The following MRNIP variants were observed in gnomAD, a reference collection of about 807,000 sequenced individuals.
The protein encoded by MRNIP is MRN complex-interacting protein.
MRNIP carries 30 observed loss-of-function variants against 29.8 expected under a neutral mutation model. The ratio of observed to expected loss-of-function variants is 1.01; its 90% CI spans 0.75 to 1.36. The LOEUF (loss-of-function observed/expected upper bound fraction) is 1.36, where lower values mean the gene tolerates loss of function less well. MRNIP is among the 40% of genes most tolerant of loss of function. The pLI is 0.00. For synonymous variants in MRNIP, 201 were observed against 164.1 expected (o/e 1.23, Z -1.72); for missense variants, 459 against 423.5 (o/e 1.08, Z -0.74).
At position 179,848,011 on chromosome 5, in the gene MRNIP, AGATTT is replaced by A; in HGVS notation, c.177_181del (p.Leu59PhefsTer22). On this transcript the variant is annotated frameshift_variant, in exon 3 of 7. Transcript: ENST00000292586. LOFTEE classifies it high-confidence loss of function. ...CAGCTCTGAAACTTGTCCCTGTAGT[AGATTT>A]AACTTTTGGACATGGCGTCTACAAT... The A allele has an allele frequency of 6.2e-7, 1 of 1,613,824 alleles. No individual in the cohort carries two copies. Among genetic ancestry groups the A allele is most frequent in the African/African-American group, 1.3e-5 (1 of 75,024 alleles).
chr5:179,857,472 CAAAAAAAGGAAATAA>C (rs1759642352), intron 1 of MRNIP, among the ~76,000 whole-genome samples: 1 of 150,602 alleles, frequency 6.6e-6, no homozygotes, highest in Non-Finnish European at 1.5e-5. Context: ...GTCTCAAAAA[CAAAAAAAGGAAATAA>C]AAATAAACGG....
intron 2 of MRNIP, among the ~76,000 whole-genome samples, chr5:179,852,778 G>A (rs1759422946): frequency 6.6e-6 from 1 of 152,194 alleles, no homozygotes; most frequent in South Asian, 2.1e-4. Context: ...TAAGGCAAAG[G>A]ATGCAGGACA....
chr5:179,855,699 CCATTAA>C (rs1354610492), intron 1 of MRNIP, among the ~76,000 whole-genome samples: 1 of 152,044 alleles, frequency 6.6e-6, no homozygotes, highest in African/African-American at 2.4e-5. Context: ...CTAGGTTGAT[CCATTAA>C]CATTAATACG....
chr5:179,842,802 G>A (rs1207810444), intron 4 of MRNIP, among the ~76,000 whole-genome samples: 4 of 151,522 alleles, frequency 2.6e-5, no homozygotes, highest in Non-Finnish European at 4.4e-5. Context: ...GGAGGCTGAG[G>A]CGGGCGGGTC....
Position 179,844,156 on chromosome 5 carries a change from T to G in MRNIP, c.287A>C (p.Gln96Pro), listed in dbSNP as rs754072707. 1.4e-5 allele frequency: 22 copies of G among 1,614,136 alleles called. No individual in the cohort carries two copies. The South Asian group carries it at 2.3e-4, about 17-fold the overall frequency. ...VGHQQAGNVKQQEKSQPSESR... is the reference protein window; with the variant it reads ...VGHQQAGNVKPQEKSQPSESR... ...GCAGGTGGGCCTGAGGCTTACCTGC[T>G]GCTTCACATTCCCAGCCTGCTGGTG... Residue 96 changes from glutamine (Q) to proline (P), a missense_variant, in exon 4 of 7, where the codon CAG (glutamine) becomes CCG (proline). Physicochemically the swap from Gln to Pro is moderately conservative, Grantham distance 76. Coordinates refer to ENST00000292586, the MANE Select transcript of MRNIP (RefSeq NM_016175.4).
chr5:179,850,325 C>T (rs748010759), intron 2 of MRNIP, among the ~76,000 whole-genome samples: 33 of 152,162 alleles, frequency 2.2e-4, no homozygotes, highest in Non-Finnish European at 4.1e-4. Flanking sequence ...GCTCTGCTGT[C>T]GCCATCTTGA....
chr5:179,849,079 T>A (rs1425619802), intron 2 of MRNIP, among the ~76,000 whole-genome samples: 1 of 150,074 alleles, frequency 6.7e-6, no homozygotes, highest in Non-Finnish European at 1.5e-5. Flanking sequence ...GGTCCTGCTA[T>A]GGCACAGGCA....
At chr5:179,848,456 A>C (rs1759219602) in intron 2 of MRNIP, among the ~76,000 whole-genome samples, 1 of 152,354 alleles carries the variant, frequency 6.6e-6, no homozygotes, top group African/African-American at 2.4e-5. Context: ...CTGATAATCA[A>C]AGGAATACAA....
intron 2 of MRNIP, among the ~76,000 whole-genome samples, chr5:179,852,058 A>G (rs1206802726): frequency 6.6e-6 from 1 of 152,098 alleles, no homozygotes; most frequent in Non-Finnish European, 1.5e-5. Context: ...AGGCAGGTGG[A>G]TCATTTGAGG....
At chr5:179,856,057 C>T (rs1039225769) in intron 1 of MRNIP, among the ~76,000 whole-genome samples, 1 of 151,510 alleles carries the variant, frequency 6.6e-6, no homozygotes, top group African/African-American at 2.4e-5. Flanking sequence ...TACAGGTGCC[C>T]GCCACCACGA....
chr5:179,842,402 C>T lies in MRNIP; in HGVS notation c.292-338G>A, dbSNP rs79713977. Among the ~76,000 whole-genome samples, 632 of 151,928 alleles carry T rather than the reference C, an allele frequency of 4.2e-3. 7 individuals are homozygous for T. The highest frequency in any genetic ancestry group is 0.014 in the African/African-American group (589 of 41,412). On this transcript the variant is annotated intron_variant, in intron 4 of 6. Coordinates refer to ENST00000292586, the MANE Select transcript of MRNIP (RefSeq NM_016175.4). ...TTTCATTTATAAGAACAGAAGTAGC[C>T]GGGCGCGGTGGCTCACACCTGTAAT...
intron 2 of MRNIP, among the ~76,000 whole-genome samples, chr5:179,850,863 C>G (rs909885617): frequency 6.6e-6 from 1 of 152,124 alleles, no homozygotes; most frequent in African/African-American, 2.4e-5. Context: ...GCCTGGCCCT[C>G]AAAGCCTCTC....
chr5:179,843,986 A>G (rs1759020181), intron 4 of MRNIP, among the ~76,000 whole-genome samples, 166 bp downstream of exon 4: 1 of 152,196 alleles, frequency 6.6e-6, no homozygotes, highest in African/African-American at 2.4e-5. Context: ...CCATCCTTAC[A>G]AAAGGTACAG....
chr5:179,844,184 C>A lies in MRNIP; in HGVS notation c.259G>T (p.Gly87Ter). ...TTCACATTCCCAGCCTGCTGGTGTCCCACGTTTTCTTCTTCACTGGCACTG... is the reference window on the plus strand; with the variant it reads ...TTCACATTCCCAGCCTGCTGGTGTCACACGTTTTCTTCTTCACTGGCACTG... ...TVSASEEENV[G>*]HQQAGNVKQQ... The change falls in exon 4 of 7, where the codon GGA (glycine) becomes TGA (stop). Residue 87 changes from glycine (G) to a stop codon, truncating the protein, a stop_gained. Transcript: ENST00000292586. LOFTEE classifies it high-confidence loss of function. The A allele has an allele frequency of 6.2e-7, 1 of 1,614,108 alleles. No homozygotes were observed. The highest frequency in any genetic ancestry group is 8.5e-7 in the Non-Finnish European group (1 of 1,180,016).
At chr5:179,858,642 A>C in intron 1 of MRNIP, 89 bp downstream of exon 1, 1 of 842,770 alleles carries the variant, frequency 1.2e-6, no homozygotes, top group Non-Finnish European at 1.8e-6. Flanking sequence ...TGCATCCCGG[A>C]GCCATTCGAG....
rs777251640 is a variant in MRNIP at position 179,848,085 on chromosome 5, T to C, written c.127-19A>G. 2.1e-5 allele frequency: 33 copies of C among 1,584,278 alleles called. No homozygotes were observed. The highest frequency in any genetic ancestry group is 1.7e-4 in the Middle Eastern group (1 of 6,018). ...CATAAGCCTGAGAAACCAAAAAATA[T>C]ATTACATTGAAAAAGTGCTGGCAGA... On this transcript the variant is annotated intron_variant, in intron 2 of 6. Transcript: ENST00000292586.
At position 179,837,763 on chromosome 5, in the gene MRNIP, C is replaced by G. The variant is rs1561612380; in HGVS notation, c.660G>C (p.Gln220His). 1 of 1,614,128 alleles carries G rather than the reference C, an allele frequency of 6.2e-7. No homozygotes were observed. The highest frequency in any genetic ancestry group is 8.5e-7 in the Non-Finnish European group (1 of 1,180,056). Residue 220 changes from glutamine (Q) to histidine (H), a missense_variant, in exon 7 of 7, where the codon CAG becomes CAC. By Grantham distance (24) the Gln-to-His change is conservative. Coordinates refer to ENST00000292586, the MANE Select transcript of MRNIP (RefSeq NM_016175.4). The stretch of plus-strand genomic sequence containing the variant: ...ATTTAGAGGATGTGGCTGTAACCTG[C>G]TGGATGGGACTCCATAGCTCCTTCC... ...GPGKELWSPIQQVTATSSKWA... is the reference protein window; with the variant it reads ...GPGKELWSPIHQVTATSSKWA...
At chr5:179,844,071 A>C in intron 4 of MRNIP, 81 bp downstream of exon 4, 1 of 1,152,874 alleles carries the variant, frequency 8.7e-7, no homozygotes, top group South Asian at 1.3e-5. Flanking sequence ...CACATTTGCT[A>C]TAATGACTAC....
chr5:179,848,077 A>G lies in MRNIP; in HGVS notation c.127-11T>C. On this transcript the variant is annotated splice_polypyrimidine_tract_variant and intron_variant, in intron 2 of 6. Transcript: ENST00000292586. ...GCCTTCACCATAAGCCTGAGAAACC[A>G]AAAAATATATTACATTGAAAAAGTG... 1.3e-6 allele frequency: 2 copies of G among 1,597,552 alleles called. No homozygotes were observed. Among genetic ancestry groups the G allele is most frequent in the Non-Finnish European group, 1.7e-6 (2 of 1,165,072 alleles).
Sources: allele counts gnomAD v4.1 joint callset (sites outside exome capture counted in the v4.1 genomes callset), GRCh38; gene constraint gnomAD v4.1.1; transcripts MANE v1.5; gene names NCBI Gene and HGNC (gene_info 2026-07-23, HGNC 2026-07-21).